Variants in DHX37 observed in about 807,000 individuals in gnomAD.
DHX37 encodes the protein DEAH-box helicase 37.
A neutral mutation model predicts 134.3 loss-of-function variants in DHX37; 52 were observed. The observed-to-expected ratio is 0.39, with a 90% CI of 0.31 to 0.49. The LOEUF (loss-of-function observed/expected upper bound fraction) is 0.49. Ranked by LOEUF, DHX37 falls within the 20% of genes least tolerant of loss-of-function variation. The pLI is 0.93. For missense variants in DHX37, 1,344 were observed against 1,580.8 expected (o/e 0.85, Z 2.54); for synonymous variants, 634 against 670.7 (o/e 0.95, Z 0.85).
chr12:124,947,707 A>AAGC lies in DHX37; in HGVS notation c.*92_*94dup. On this transcript the variant is annotated 3_prime_UTR_variant, in exon 27 of 27. Coordinates refer to ENST00000308736, the MANE Select transcript of DHX37 (RefSeq NM_032656.4). ...ACCCACTTCCTGAGAGCAGGCCACG[A>AAGC]AGCCCATGCCAGGTGGTCACGGTCG... 6.9e-7 allele frequency: 1 copy of AAGC among 1,442,448 alleles called. No homozygotes were observed. Among genetic ancestry groups the AAGC allele is most frequent in the Non-Finnish European group, 9.2e-7 (1 of 1,086,200 alleles). 89.4% of individuals were successfully genotyped at this position (1,442,448 alleles called of 1,614,324 possible).
intron 16 of DHX37, among the ~76,000 whole-genome samples, chr12:124,958,609 T>A (rs1954153093): frequency 6.6e-6 from 1 of 152,076 alleles, no homozygotes; most frequent in Non-Finnish European, 1.5e-5. Context: ...CAGCACATAC[T>A]TGGCATCCAT....
intron 8 of DHX37, among the ~76,000 whole-genome samples, chr12:124,969,893 C>A (rs1954479064): frequency 6.7e-6 from 1 of 149,444 alleles, no homozygotes. Context: ...TGCACTCCAG[C>A]CTCAGTGACA....
chr12:124,986,374 C>T, intron 1 of DHX37, 109 bp from the exon 2 acceptor site: 1 of 1,209,130 alleles, frequency 8.3e-7, no homozygotes, highest in Non-Finnish European at 1.2e-6. Flanking sequence ...CACACAGGAA[C>T]AGGGGGATCT....
At chr12:124,985,366 C>T (rs1954846203) in intron 2 of DHX37, among the ~76,000 whole-genome samples, 1 of 152,112 alleles carries the variant, frequency 6.6e-6, no homozygotes, top group African/African-American at 2.4e-5. Context: ...TCATACTGTT[C>T]TCTTTACTCT....
chr12:124,961,188 GCACACACACACATA>G (rs1954237939), intron 15 of DHX37, among the ~76,000 whole-genome samples: 1 of 103,606 alleles, frequency 9.7e-6, no homozygotes, highest in African/African-American at 5.2e-5. Context: ...ATGCGCGCAC[GCACACACACACATA>G]CACGTGTGCA....
rs1238231851 is a variant in DHX37, at chr12:124,956,682, A to G, written c.2453+9T>C. On this transcript the variant is annotated intron_variant, in intron 18 of 26. Transcript: ENST00000308736. ...CTTGGCCCTGAGTGCCCAGCCGCCAACCTCGCACCTGTCCAGCTCCTCAAA... is the reference window on the plus strand; with the variant it reads ...CTTGGCCCTGAGTGCCCAGCCGCCAGCCTCGCACCTGTCCAGCTCCTCAAA... 2 of 1,536,752 alleles carry G rather than the reference A, an allele frequency of 1.3e-6. No homozygotes were observed. The highest frequency in any genetic ancestry group is 2.4e-5 in the East Asian group (1 of 41,884).
At chr12:124,962,067 G>GCA (rs956585360) in intron 15 of DHX37, among the ~76,000 whole-genome samples, 5 of 152,148 alleles carry the variant, frequency 3.3e-5, no homozygotes, top group African/African-American at 1.2e-4. Flanking sequence ...CTGAAGCCAG[G>GCA]CACAGTGCCA....
At chr12:124,978,641 T>C (rs1214794467) in intron 4 of DHX37, among the ~76,000 whole-genome samples, 1 of 139,678 alleles carries the variant, frequency 7.2e-6, no homozygotes, top group Admixed American at 7.0e-5. Flanking sequence ...TTTAAAAATA[T>C]GAGGCCAGGC....
intron 15 of DHX37, among the ~76,000 whole-genome samples, chr12:124,963,966 T>C (rs935766276): frequency 1.3e-5 from 2 of 150,724 alleles, no homozygotes; most frequent in Admixed American, 6.6e-5. Context: ...GAGACCAGTC[T>C]GGCCAACATG....
intron 1 of DHX37, among the ~76,000 whole-genome samples, chr12:124,986,566 C>G (rs1354128420): frequency 6.6e-6 from 1 of 151,738 alleles, no homozygotes; most frequent in Non-Finnish European, 1.5e-5. Flanking sequence ...CAAAAATTAG[C>G]CAGGTGTGGT....
rs940118875 is a variant in DHX37 at position 124,949,573 on chromosome 12, T to C, written c.3290+413A>G. On this transcript the variant is annotated intron_variant, in intron 25 of 26. Transcript: ENST00000308736. The surrounding 1 kb of genome is among the most constrained non-coding windows in gnomAD (Gnocchi z 4.0). ...CAGTGTCTCCCCTATCCCATATTCA[T>C]GTCCACCCAGAACATCAGCGTGTGA... 1.4e-4 allele frequency among the ~76,000 whole-genome samples: 21 copies of C among 152,166 alleles called. No individual in the cohort carries two copies. The highest frequency in any genetic ancestry group is 4.3e-4 in the African/African-American group (18 of 41,448).
At chr12:124,954,246 C>T (rs375953533) in intron 18 of DHX37, 35 bp from the exon 19 acceptor site, 140 of 1,531,868 alleles carry the variant, frequency 9.1e-5, no homozygotes, top group Non-Finnish European at 1.2e-4. Flanking sequence ...TGGGCTGGGG[C>T]CTCGGCTGCG....
intron 15 of DHX37, 69 bp from the exon 16 acceptor site, chr12:124,960,492 GGC>G (rs1323394031): frequency 6.3e-7 from 1 of 1,578,072 alleles, no homozygotes; most frequent in African/African-American, 1.4e-5. Context: ...ATACAGCCTG[GGC>G]AGACAGAAAC....
chr12:124,974,672 G>C (rs545910705), intron 6 of DHX37, among the ~76,000 whole-genome samples: 9 of 151,764 alleles, frequency 5.9e-5, no homozygotes, highest in African/African-American at 1.7e-4. Context: ...TTAGACACAG[G>C]CCTCTGCATT....
chr12:124,975,001 C>T (rs1010327215), intron 6 of DHX37, among the ~76,000 whole-genome samples: 1 of 152,190 alleles, frequency 6.6e-6, no homozygotes, highest in Non-Finnish European at 1.5e-5. Flanking sequence ...GTCTCGAATT[C>T]CAGACCTCAG....
chr12:124,975,341 C>T, intron 6 of DHX37, 78 bp downstream of exon 6: 1 of 1,457,572 alleles, frequency 6.9e-7, no homozygotes, highest in Non-Finnish European at 9.5e-7. Context: ...ATGCTGCTCA[C>T]CTCCTCCTGG....
chr12:124,973,759 A>C (rs1954571012), intron 6 of DHX37, among the ~76,000 whole-genome samples: 1 of 148,884 alleles, frequency 6.7e-6, no homozygotes, highest in African/African-American at 2.5e-5. Context: ...CTTCTGCCTC[A>C]GCCTCCTGAA....
chr12:124,986,013 G>C (rs1409642214), intron 2 of DHX37, 83 bp downstream of exon 2: 30 of 1,547,030 alleles, frequency 1.9e-5, no homozygotes, highest in Non-Finnish European at 2.6e-5. Flanking sequence ...TTGCACCACA[G>C]AGACACCCTC....
At chr12:124,984,502 C>T (rs932972646) in intron 2 of DHX37, among the ~76,000 whole-genome samples, 1 of 152,040 alleles carries the variant, frequency 6.6e-6, no homozygotes, top group South Asian at 2.1e-4. Context: ...CATTGCACTC[C>T]AGCCTGGGCA....
Sources: gnomAD v4.1 joint callset for allele counts (sites outside exome capture counted in the v4.1 genomes callset) on GRCh38, gnomAD v4.1.1 for gene constraint, Gnocchi (gnomAD v3.1) non-coding constraint, MANE v1.5 for transcripts, NCBI Gene and HGNC (gene_info 2026-07-23, HGNC 2026-07-21) for gene names.